Variants in ACVR2B observed in about 807,000 individuals in gnomAD.
ACVR2B encodes activin receptor type-2B.
In ACVR2B, 18 loss-of-function variants were observed where a neutral mutation model predicts 65.1. That is an observed-to-expected ratio of 0.28 (90% CI 0.19 to 0.41). ACVR2B has a LOEUF of 0.41. Ranked by LOEUF, ACVR2B falls within the 10% of genes least tolerant of loss-of-function variation. The pLI is 1.00. For synonymous variants in ACVR2B, 298 were observed against 277.7 expected (o/e 1.07, Z -0.73); for missense variants, 482 against 682.7 (o/e 0.71, Z 3.28).
intron 1 of ACVR2B, among the ~76,000 whole-genome samples, chr3:38,461,431 T>G (rs1575578858): frequency 6.6e-6 from 1 of 152,198 alleles, no homozygotes; most frequent in East Asian, 1.9e-4. Flanking sequence ...GCTCATCTGC[T>G]CTGGGCCTTA....
At position 38,454,204 on chromosome 3, in the gene ACVR2B, C is replaced by T. The variant is rs1397520991; in HGVS notation, c.-119C>T. On this transcript the variant is annotated 5_prime_UTR_variant, in exon 1 of 11. In the 5' UTR this introduces an upstream ATG that the reference lacks. Coordinates refer to ENST00000352511, the MANE Select transcript of ACVR2B (RefSeq NM_001106.4). ...GAAGGCGCAGGAAGCGCGCAGGGAACGAGACCGAAGGAAGGAGCGGGAAGG... is the reference window on the plus strand; with the variant it reads ...GAAGGCGCAGGAAGCGCGCAGGGAATGAGACCGAAGGAAGGAGCGGGAAGG... The T allele has an allele frequency of 1.3e-6, 1 of 749,112 alleles. No individual in the cohort carries two copies. The highest frequency in any genetic ancestry group is 1.9e-5 in the African/African-American group (1 of 53,164). 46.4% of individuals were successfully genotyped at this position (749,112 alleles called of 1,614,324 possible).
intron 10 of ACVR2B, among the ~76,000 whole-genome samples, chr3:38,482,908 CCT>C (rs1032965289): frequency 6.6e-6 from 1 of 152,142 alleles, no homozygotes; most frequent in African/African-American, 2.4e-5. Flanking sequence ...ATGAACCTTT[CCT>C]AGGGCTGTGG....
chr3:38,464,753 G>A (rs2125715003), intron 1 of ACVR2B, among the ~76,000 whole-genome samples: 1 of 152,274 alleles, frequency 6.6e-6, no homozygotes, highest in South Asian at 2.1e-4. Context: ...AAACCCTAAA[G>A]TTAGATTGAA....
rs1368869108 is a variant in ACVR2B, at chr3:38,492,867, G to A, written c.*9535G>A. 1 of 150,344 alleles carries A rather than the reference G, an allele frequency of 6.7e-6. No individual in the cohort carries two copies. Among genetic ancestry groups the A allele is most frequent in the East Asian group, 2.0e-4 (1 of 5,018 alleles). 9.3% of individuals were successfully genotyped at this position (150,344 alleles called of 1,614,324 possible). Reference sequence around the variant, plus strand: ...TACAGTTGCAAAATGAAAACATTTTGGAAAGAACATTGTATCATAGTTCAT... The same window carrying A: ...TACAGTTGCAAAATGAAAACATTTTAGAAAGAACATTGTATCATAGTTCAT... On this transcript the variant is annotated 3_prime_UTR_variant, in exon 11 of 11. Transcript: ENST00000352511.
chr3:38,454,511 G>A (rs1353595440), intron 1 of ACVR2B, 137 bp downstream of exon 1: 1 of 812,840 alleles, frequency 1.2e-6, no homozygotes, highest in Non-Finnish European at 1.6e-6. Flanking sequence ...ACCTCCGGGG[G>A]CGTGGGCTGG....
Position 38,483,441 on chromosome 3 carries a change from G to A in ACVR2B, c.*109G>A. ...AAAACCAACAAACACATAAAATGCA[G>A]CTGCTATTTTACCTTGACTTTTTAT... On this transcript the variant is annotated 3_prime_UTR_variant, in exon 11 of 11. Coordinates refer to ENST00000352511, the MANE Select transcript of ACVR2B (RefSeq NM_001106.4). The surrounding 1 kb of genome is among the most constrained non-coding windows in gnomAD (Gnocchi z 4.8). 1.1e-6 allele frequency: 1 copy of A among 889,284 alleles called. No homozygotes were observed. The highest frequency in any genetic ancestry group is 1.8e-6 in the Non-Finnish European group (1 of 556,350). 55.1% of individuals were successfully genotyped at this position (889,284 alleles called of 1,614,324 possible). A position where few individuals can be genotyped will look rare whatever the true frequency, so the allele number is the denominator to read the frequency against.
intron 7 of ACVR2B, 77 bp downstream of exon 7, chr3:38,479,903 GGA>G: frequency 7.1e-6 from 11 of 1,547,626 alleles, no homozygotes; most frequent in Non-Finnish European, 9.7e-6. Context: ...AGCAGTGTCT[GGA>G]GATGTCTCAA....
At chr3:38,476,723 A>ACC (rs963022703) in intron 1 of ACVR2B, 1 of 162,394 alleles carries the variant, frequency 6.2e-6, no homozygotes, top group African/African-American at 2.4e-5. Flanking sequence ...TATCACAATC[A>ACC]CCTGAGACAG....
At position 38,485,722 on chromosome 3, in the gene ACVR2B, T is replaced by G. The variant is rs1358544941; in HGVS notation, c.*2390T>G. ...GGTTTGATTTTGTGCTGTGGTATTT[T>G]TTTTCCCTTAGAATAATTTTTAATG... On this transcript the variant is annotated 3_prime_UTR_variant, in exon 11 of 11. Coordinates refer to ENST00000352511, the MANE Select transcript of ACVR2B (RefSeq NM_001106.4). 1 of 151,272 alleles carries G rather than the reference T, an allele frequency of 6.6e-6. No homozygotes were observed. The highest frequency in any genetic ancestry group is 1.5e-5 in the Non-Finnish European group (1 of 67,752). The allele number at this position is 151,272 out of a possible 1,614,324, so 9.4% of individuals were successfully genotyped here.
rs150987514 is a variant in ACVR2B at position 38,488,513 on chromosome 3, G to A, written c.*5181G>A. 1 of 152,312 alleles carries A rather than the reference G, an allele frequency of 6.6e-6. No individual in the cohort carries two copies. Among genetic ancestry groups the A allele is most frequent in the East Asian group, 1.9e-4 (1 of 5,188 alleles). 9.4% of individuals were successfully genotyped at this position (152,312 alleles called of 1,614,324 possible). A position where few individuals can be genotyped will look rare whatever the true frequency, so the allele number is the denominator to read the frequency against. The stretch of plus-strand genomic sequence containing the variant: ...AACAAAGAAAAGTCCAAATTATCTA[G>A]TGGGACATTTTGAATGTTTTATGTT... On this transcript the variant is annotated 3_prime_UTR_variant, in exon 11 of 11. Coordinates refer to ENST00000352511, the MANE Select transcript of ACVR2B (RefSeq NM_001106.4).
chr3:38,469,081 G>A (rs1371757474), intron 1 of ACVR2B, among the ~76,000 whole-genome samples: 1 of 152,170 alleles, frequency 6.6e-6, no homozygotes, highest in Non-Finnish European at 1.5e-5. Context: ...GGCAGATGGA[G>A]CTCCTCCTGT....
At chr3:38,462,443 C>G (rs1226680780) in intron 1 of ACVR2B, among the ~76,000 whole-genome samples, 1 of 152,176 alleles carries the variant, frequency 6.6e-6, no homozygotes, top group Non-Finnish European at 1.5e-5. Flanking sequence ...CCATTTCAGT[C>G]TCTGCCCACA....
At chr3:38,457,880 A>G (rs754993488) in intron 1 of ACVR2B, among the ~76,000 whole-genome samples, 19 of 152,150 alleles carry the variant, frequency 1.2e-4, no homozygotes, top group Admixed American at 3.9e-4. Context: ...GTAGCTGCCA[A>G]GGACATGGGC....
At chr3:38,457,121 A>G (rs1199177228) in intron 1 of ACVR2B, among the ~76,000 whole-genome samples, 1 of 152,154 alleles carries the variant, frequency 6.6e-6, no homozygotes, top group Non-Finnish European at 1.5e-5. Flanking sequence ...GGGGAATGGC[A>G]TGAACCCGGG....
chr3:38,472,450 C>T (rs1709834059), intron 1 of ACVR2B, among the ~76,000 whole-genome samples: 1 of 152,148 alleles, frequency 6.6e-6, no homozygotes, highest in Admixed American at 6.5e-5. Flanking sequence ...TGCTTGTCTT[C>T]CTCTTGGGCA....
intron 1 of ACVR2B, among the ~76,000 whole-genome samples, chr3:38,469,789 A>G (rs1709790344): frequency 6.6e-6 from 1 of 152,252 alleles, no homozygotes; most frequent in African/African-American, 2.4e-5. Flanking sequence ...ATGAGGAAAC[A>G]GTACCATGAA....
chr3:38,477,701 C>T lies in ACVR2B; in HGVS notation c.261-160C>T, dbSNP rs1290810246. Among the ~76,000 whole-genome samples, 1 of 152,018 alleles carries T rather than the reference C, an allele frequency of 6.6e-6. No individual in the cohort carries two copies. Among genetic ancestry groups the T allele is most frequent in the Non-Finnish European group, 1.5e-5 (1 of 67,896 alleles). ...GTCTCAGTGTCAACCCCTGGCTGTT[C>T]TTCCTTGGCTTTGGGTCTCCTGTAG... On this transcript the variant is annotated intron_variant, in intron 2 of 10. Transcript: ENST00000352511. This position sits in a 1 kb window ranked among gnomAD's most constrained non-coding sequence, Gnocchi z 6.7.
chr3:38,454,458 C>G (rs983002633), intron 1 of ACVR2B, 84 bp downstream of exon 1: 6 of 1,147,614 alleles, frequency 5.2e-6, no homozygotes, highest in Admixed American at 8.7e-5. Context: ...CAACAAAGGG[C>G]GGGCCCGGGG....
In ACVR2B at chr3:38,477,721, C is replaced by A; in HGVS notation, c.261-140C>A. On this transcript the variant is annotated intron_variant, in intron 2 of 10. Coordinates refer to ENST00000352511, the MANE Select transcript of ACVR2B (RefSeq NM_001106.4). This position sits in a 1 kb window ranked among gnomAD's most constrained non-coding sequence, Gnocchi z 6.7. Reference sequence around the variant, plus strand: ...CTGTTCTTCCTTGGCTTTGGGTCTCCTGTAGGGGAGGTGAGTTCACACCGT... The same window carrying A: ...CTGTTCTTCCTTGGCTTTGGGTCTCATGTAGGGGAGGTGAGTTCACACCGT... The A allele has an allele frequency of 9.3e-7, 1 of 1,072,096 alleles. No individual in the cohort carries two copies. The highest frequency in any genetic ancestry group is 1.7e-5 in the Admixed American group (1 of 58,904). The allele number at this position is 1,072,096 out of a possible 1,614,324, so 66.4% of individuals were successfully genotyped here. A position where few individuals can be genotyped will look rare whatever the true frequency, so the allele number is the denominator to read the frequency against.
Sources: gnomAD v4.1 joint callset for allele counts (sites outside exome capture counted in the v4.1 genomes callset) on GRCh38, gnomAD v4.1.1 for gene constraint, Gnocchi (gnomAD v3.1) non-coding constraint, MANE v1.5 for transcripts, NCBI Gene and HGNC (gene_info 2026-07-23, HGNC 2026-07-21) for gene names.